Variants in NKAIN2 observed in about 807,000 individuals in gnomAD.
The protein encoded by NKAIN2 is sodium/potassium transporting ATPase interacting 2, also known as sodium/potassium-transporting ATPase subunit beta-1-interacting protein 2.
Under a neutral mutation model 32.6 loss-of-function variants are expected in NKAIN2, and 14 were observed. The observed-to-expected ratio is 0.43, with a 90% CI of 0.28 to 0.67. The LOEUF (loss-of-function observed/expected upper bound fraction) is 0.67, where lower values mean the gene tolerates loss of function less well. Ranked by LOEUF, NKAIN2 falls within the 30% of genes least tolerant of loss-of-function variation. The pLI is 0.17. For synonymous variants in NKAIN2, 80 were observed against 87.2 expected (o/e 0.92, Z 0.46); for missense variants, 198 against 258.3 (o/e 0.77, Z 1.60).
At chr6:124,163,235 A>G (rs1427268720) in intron 1 of NKAIN2, among the ~76,000 whole-genome samples, 1 of 152,054 alleles carries the variant, frequency 6.6e-6, no homozygotes, top group Non-Finnish European at 1.5e-5. Flanking sequence ...GGAAATAAAT[A>G]TACTGTAGTT....
intron 2 of NKAIN2, among the ~76,000 whole-genome samples, chr6:124,296,731 TA>T (rs1473618176): frequency 6.6e-6 from 1 of 152,200 alleles, no homozygotes; most frequent in Non-Finnish European, 1.5e-5. Context: ...GAAGTAGTTT[TA>T]AATTAATTTC....
At chr6:123,944,672 A>T (rs1411763595) in intron 1 of NKAIN2, among the ~76,000 whole-genome samples, 2 of 152,144 alleles carry the variant, frequency 1.3e-5, no homozygotes, top group African/African-American at 4.8e-5. Flanking sequence ...TTGAGAAAAA[A>T]CTTGAGAAAC....
chr6:123,848,655 T>C (rs1775191280), intron 1 of NKAIN2, among the ~76,000 whole-genome samples: 1 of 152,194 alleles, frequency 6.6e-6, no homozygotes, highest in Non-Finnish European at 1.5e-5. Context: ...AGGCAGTTCA[T>C]TATAGCAGTG....
At chr6:123,887,038 A>G (rs979160573) in intron 1 of NKAIN2, among the ~76,000 whole-genome samples, 1 of 152,210 alleles carries the variant, frequency 6.6e-6, no homozygotes, top group African/African-American at 2.4e-5. Context: ...AGAAGCCAGA[A>G]TACAAGCCTG....
At chr6:124,428,939 A>G (rs1389850215) in intron 3 of NKAIN2, among the ~76,000 whole-genome samples, 1 of 152,182 alleles carries the variant, frequency 6.6e-6, no homozygotes, top group Non-Finnish European at 1.5e-5. Context: ...CTCACGGGAC[A>G]TGGCTGTATC....
intron 1 of NKAIN2, among the ~76,000 whole-genome samples, chr6:124,227,573 G>A (rs1792188780): frequency 6.6e-6 from 1 of 151,880 alleles, no homozygotes; most frequent in African/African-American, 2.4e-5. Context: ...TTAAATTTGG[G>A]GAGCATTTTT....
intron 3 of NKAIN2, among the ~76,000 whole-genome samples, chr6:124,360,082 T>A (rs1008021671): frequency 4.6e-5 from 7 of 152,222 alleles, no homozygotes; most frequent in Non-Finnish European, 8.8e-5. Context: ...CGTATATTGA[T>A]TTGCGAATGT....
At chr6:124,702,539 CA>C (rs1774848150) in intron 4 of NKAIN2, among the ~76,000 whole-genome samples, 1 of 151,910 alleles carries the variant, frequency 6.6e-6, no homozygotes, top group Non-Finnish European at 1.5e-5. Flanking sequence ...AGTAAAGTGT[CA>C]GAAGAAGTCA....
chr6:124,757,065 G>C lies in NKAIN2; in HGVS notation c.475-34274G>C, dbSNP rs756017149. Reference sequence around the variant, plus strand: ...GTTTTAGTGACATTGCTAGAATTCTGTGTATTCATTTGTAATCTTTTCTTC... The same window carrying C: ...GTTTTAGTGACATTGCTAGAATTCTCTGTATTCATTTGTAATCTTTTCTTC... On this transcript the variant is annotated intron_variant, in intron 4 of 6. Coordinates refer to ENST00000368417, the MANE Select transcript of NKAIN2 (RefSeq NM_001040214.3). Among the ~76,000 whole-genome samples the C allele has an allele frequency of 4.7e-5, 7 of 149,108 alleles. No homozygotes were observed. The South Asian group carries it at 6.5e-4, about 14-fold the overall frequency.
At chr6:124,316,083 A>G (rs1449334059) in intron 2 of NKAIN2, among the ~76,000 whole-genome samples, 1 of 152,074 alleles carries the variant, frequency 6.6e-6, no homozygotes, top group African/African-American at 2.4e-5. Flanking sequence ...TAGGGTGACT[A>G]GAGTTAACTT....
chr6:124,677,688 A>G (rs1773427171), intron 4 of NKAIN2, among the ~76,000 whole-genome samples: 2 of 152,102 alleles, frequency 1.3e-5, no homozygotes, highest in South Asian at 4.1e-4. Context: ...TTTTATAGTA[A>G]TAGTTATTTT....
At chr6:123,874,166 C>A (rs1003118214) in intron 1 of NKAIN2, among the ~76,000 whole-genome samples, 1 of 152,092 alleles carries the variant, frequency 6.6e-6, no homozygotes, top group South Asian at 2.1e-4. Context: ...TTTTTTTCCA[C>A]CATGGAGAGC....
At chr6:123,834,952 TG>T (rs1413329646) in intron 1 of NKAIN2, among the ~76,000 whole-genome samples, 2 of 152,196 alleles carry the variant, frequency 1.3e-5, no homozygotes, top group African/African-American at 4.8e-5. Flanking sequence ...TTTTATACGT[TG>T]TTGGATTTGA....
intron 2 of NKAIN2, among the ~76,000 whole-genome samples, chr6:124,351,693 C>A (rs143248037): frequency 0.011 from 1,650 of 151,992 alleles, 35 homozygotes; most frequent in African/African-American, 0.037. Context: ...GCGATCTTGG[C>A]TCACTGCAAC....
At chr6:124,722,669 C>T (rs1196331546) in intron 4 of NKAIN2, among the ~76,000 whole-genome samples, 1 of 152,152 alleles carries the variant, frequency 6.6e-6, no homozygotes. Context: ...GCCTGCTGCT[C>T]CCCTCCTCCT....
intron 1 of NKAIN2, among the ~76,000 whole-genome samples, chr6:124,117,310 G>A (rs1785662415): frequency 6.6e-6 from 1 of 152,126 alleles, no homozygotes; most frequent in Admixed American, 6.5e-5. Flanking sequence ...AAAAGGTAAA[G>A]CCATCCTTCC....
intron 1 of NKAIN2, among the ~76,000 whole-genome samples, chr6:124,249,552 C>G (rs370405515): frequency 9.2e-5 from 14 of 152,060 alleles, no homozygotes; most frequent in South Asian, 8.3e-4. Context: ...GAGCACAACT[C>G]TTCTTACTGA....
intron 3 of NKAIN2, among the ~76,000 whole-genome samples, chr6:124,564,035 A>G (rs1395992077): frequency 6.6e-6 from 1 of 152,220 alleles, no homozygotes; most frequent in Middle Eastern, 3.2e-3. Context: ...AGTTTCATCT[A>G]TAAAGTTCCT....
intron 3 of NKAIN2, among the ~76,000 whole-genome samples, chr6:124,655,091 G>T (rs1041547858): frequency 6.6e-6 from 1 of 151,914 alleles, no homozygotes; most frequent in Non-Finnish European, 1.5e-5. Context: ...ATCAATTAAC[G>T]ATACCATCCA....
Sources: gnomAD v4.1 joint callset for allele counts (sites outside exome capture counted in the v4.1 genomes callset) on GRCh38, gnomAD v4.1.1 for gene constraint, MANE v1.5 for transcripts, NCBI Gene and HGNC (gene_info 2026-07-23, HGNC 2026-07-21) for gene names.